The following GPR158 variants were observed in gnomAD, a reference collection of about 807,000 sequenced individuals.
GPR158 encodes the protein metabotropic glycine receptor.
GPR158 carries 30 observed loss-of-function variants against 78.2 expected under a neutral mutation model. That is an observed-to-expected ratio of 0.38 (90% CI 0.29 to 0.52). The LOEUF is 0.52. Ranked by LOEUF, GPR158 falls within the 20% of genes least tolerant of loss-of-function variation. The pLI, the probability that GPR158 is intolerant of heterozygous loss-of-function variation, is 0.83. For missense variants in GPR158, 1,463 were observed against 1,523.5 expected (o/e 0.96, Z 0.66); for synonymous variants, 581 against 591.1 (o/e 0.98, Z 0.25).
chr10:25,255,882 C>T (rs1337263152), intron 2 of GPR158, among the ~76,000 whole-genome samples: 3 of 152,124 alleles, frequency 2.0e-5, no homozygotes, highest in African/African-American at 7.2e-5. Context: ...CAGTAAAATC[C>T]ATCATATTAT....
At chr10:25,533,849 C>A (rs1301167268) in intron 5 of GPR158, among the ~76,000 whole-genome samples, 1 of 152,100 alleles carries the variant, frequency 6.6e-6, no homozygotes, top group Non-Finnish European at 1.5e-5. Context: ...GAGTTTAAAC[C>A]CAGCTCTGCC....
intron 2 of GPR158, among the ~76,000 whole-genome samples, chr10:25,356,920 G>T (rs113970236): frequency 0.011 from 1,715 of 152,192 alleles, 8 homozygotes; most frequent in Non-Finnish European, 0.016. Flanking sequence ...ACAGGAAAAT[G>T]TGGGAGAGTT....
intron 1 of GPR158, among the ~76,000 whole-genome samples, chr10:25,189,439 T>C (rs975352224): frequency 2.6e-5 from 4 of 152,138 alleles, no homozygotes; most frequent in Non-Finnish European, 5.9e-5. Context: ...ATATACACCA[T>C]GGAATACTAT....
chr10:25,348,036 C>T (rs373728474), intron 2 of GPR158, among the ~76,000 whole-genome samples: 8 of 152,038 alleles, frequency 5.3e-5, no homozygotes, highest in South Asian at 2.1e-4. Context: ...AGCATGTGCA[C>T]GGCCTCTTCC....
At chr10:25,388,326 C>G (rs960413208) in intron 2 of GPR158, among the ~76,000 whole-genome samples, 1 of 152,208 alleles carries the variant, frequency 6.6e-6, no homozygotes, top group Non-Finnish European at 1.5e-5. Context: ...GCAGTGGGTC[C>G]TCTGTGGCCT....
chr10:25,355,232 T>A (rs1164265504), intron 2 of GPR158, among the ~76,000 whole-genome samples: 1 of 137,294 alleles, frequency 7.3e-6, no homozygotes, highest in East Asian at 2.0e-4. Context: ...TTTTCCTTTT[T>A]CTCCTCTTTA....
At chr10:25,219,688 G>A (rs996402642) in intron 1 of GPR158, among the ~76,000 whole-genome samples, 3 of 152,134 alleles carry the variant, frequency 2.0e-5, no homozygotes, top group African/African-American at 7.2e-5. Flanking sequence ...AAGAACAGAG[G>A]CAGACTGAAA....
intron 9 of GPR158, among the ~76,000 whole-genome samples, chr10:25,596,297 A>T (rs1003098806): frequency 6.6e-6 from 1 of 152,268 alleles, no homozygotes; most frequent in Admixed American, 6.5e-5. Context: ...AGTTCATGGC[A>T]TCTGTGGGTC....
chr10:25,497,052 G>A (rs1031005311), intron 5 of GPR158, among the ~76,000 whole-genome samples: 2 of 152,146 alleles, frequency 1.3e-5, no homozygotes, highest in African/African-American at 4.8e-5. Context: ...TCCCAGTGAA[G>A]TAAAATGGTG....
Position 25,466,814 on chromosome 10 carries a change from A to C in GPR158, c.1404+95A>C, listed in dbSNP as rs1018525228. 7.6e-5 allele frequency: 41 copies of C among 538,336 alleles called. 1 individual carries two copies. The highest frequency in any genetic ancestry group is 3.4e-4 in the South Asian group (8 of 23,734). The allele number at this position is 538,336 out of a possible 1,614,324, so 33.3% of individuals were successfully genotyped here. ...CACACACACACACACACATACACACACCCTGGTGTTACTAGGAAGTGTGGA... is the reference window on the plus strand; with the variant it reads ...CACACACACACACACACATACACACCCCCTGGTGTTACTAGGAAGTGTGGA... On this transcript the variant is annotated intron_variant, in intron 5 of 10. Coordinates refer to ENST00000376351, the MANE Select transcript of GPR158 (RefSeq NM_020752.3).
At position 25,599,965 on chromosome 10, in the gene GPR158, A is replaced by C. The variant is rs949377046; in HGVS notation, c.*691A>C. 6.5e-6 allele frequency: 1 copy of C among 152,674 alleles called. No homozygotes were observed. Among genetic ancestry groups the C allele is most frequent in the Non-Finnish European group, 1.5e-5 (1 of 68,038 alleles). The allele number at this position is 152,674 out of a possible 1,614,324, so 9.5% of individuals were successfully genotyped here. On this transcript the variant is annotated 3_prime_UTR_variant, in exon 11 of 11. Coordinates refer to ENST00000376351, the MANE Select transcript of GPR158 (RefSeq NM_020752.3). The stretch of plus-strand genomic sequence containing the variant: ...TTTAGTTGATTCTTGAAGTACAGTA[A>C]GCTTTCTCTGGCTTGGGAAGCCATA...
intron 2 of GPR158, among the ~76,000 whole-genome samples, chr10:25,228,402 G>A (rs1168334453): frequency 6.6e-6 from 1 of 151,914 alleles, no homozygotes; most frequent in Non-Finnish European, 1.5e-5. Flanking sequence ...CAAAAATTTA[G>A]AAACAAATGC....
intron 1 of GPR158, among the ~76,000 whole-genome samples, chr10:25,212,860 G>A (rs886308559): frequency 5.9e-5 from 9 of 152,062 alleles, no homozygotes; most frequent in Non-Finnish European, 8.8e-5. Context: ...TCGAACTCCT[G>A]ACCTTGTGAT....
intron 5 of GPR158, among the ~76,000 whole-genome samples, chr10:25,547,333 C>T (rs1005820959): frequency 6.6e-6 from 1 of 151,060 alleles, no homozygotes; most frequent in Non-Finnish European, 1.5e-5. Flanking sequence ...AATTCTCCAC[C>T]CTATTATTCA....
chr10:25,425,717 C>T (rs1834811577), intron 4 of GPR158, among the ~76,000 whole-genome samples: 1 of 151,584 alleles, frequency 6.6e-6, no homozygotes, highest in African/African-American at 2.4e-5. Context: ...ACAAACAATC[C>T]CATTTTATGG....
At chr10:25,270,474 C>G (rs1453610171) in intron 2 of GPR158, among the ~76,000 whole-genome samples, 1 of 152,102 alleles carries the variant, frequency 6.6e-6, no homozygotes, top group Non-Finnish European at 1.5e-5. Context: ...ATAAGAAAAG[C>G]CAGGCAACAA....
intron 4 of GPR158, among the ~76,000 whole-genome samples, chr10:25,424,631 T>C (rs10828798): frequency 0.58 from 86,790 of 150,764 alleles, 26,300 homozygotes; most frequent in Non-Finnish European, 0.68. Context: ...CACCTTTTAT[T>C]AAATAGGGAA....
chr10:25,299,945 G>C (rs1389077377), intron 2 of GPR158, among the ~76,000 whole-genome samples: 1 of 152,102 alleles, frequency 6.6e-6, no homozygotes, highest in Non-Finnish European at 1.5e-5. Context: ...TCATGCTTCA[G>C]CCTCTGGAGT....
At chr10:25,317,326 G>T (rs1854869064) in intron 2 of GPR158, among the ~76,000 whole-genome samples, 1 of 151,996 alleles carries the variant, frequency 6.6e-6, no homozygotes, top group South Asian at 2.1e-4. Context: ...GGGATTACAG[G>T]TGTGAGCCAC....
Sources: gnomAD v4.1 joint callset for allele counts (sites outside exome capture counted in the v4.1 genomes callset) on GRCh38, gnomAD v4.1.1 for gene constraint, MANE v1.5 for transcripts, NCBI Gene and HGNC (gene_info 2026-07-23, HGNC 2026-07-21) for gene names.